CYB5RL: variants seen among roughly 807,000 people sequenced by gnomAD.
CYB5RL encodes cytochrome b5 reductase like, also known as NADH-cytochrome b5 reductase-like.
Under a neutral mutation model 37.5 loss-of-function variants are expected in CYB5RL, and 38 were observed. The observed-to-expected ratio is 1.01, with a 90% confidence interval of 0.78 to 1.33. The LOEUF (loss-of-function observed/expected upper bound fraction) is 1.33, where lower values mean the gene tolerates loss of function less well. Ranked by LOEUF, CYB5RL falls within the 40% of genes most tolerant of loss-of-function variation. The pLI, the probability that CYB5RL is intolerant of heterozygous loss-of-function variation, is 0.00. For synonymous variants in CYB5RL, 141 were observed against 151.9 expected, an observed-to-expected ratio of 0.93 and a Z score of 0.53; for missense variants, 388 against 394.4, an observed-to-expected ratio of 0.98 and a Z score of 0.14.
chr1:54,194,858 G>A (rs1643992099), intron 3 of CYB5RL, among the ~76,000 whole-genome samples: 1 of 152,130 alleles, frequency 6.6e-6, no homozygotes, highest in Non-Finnish European at 1.5e-5. Flanking sequence ...TTATACAGGG[G>A]GTGAAGTCCA....
At chr1:54,193,009 C>T (rs1318101116) in intron 3 of CYB5RL, among the ~76,000 whole-genome samples, 8 of 152,212 alleles carry the variant, frequency 5.3e-5, no homozygotes, top group Non-Finnish European at 1.2e-4. Flanking sequence ...CCTGCCTTGG[C>T]CTCCCAAAGT....
chr1:54,195,310 C>G, intron 3 of CYB5RL, 109 bp downstream of exon 3: 1 of 1,291,474 alleles, frequency 7.7e-7, no homozygotes, highest in Non-Finnish European at 1.0e-6. Flanking sequence ...TATGCATACT[C>G]TTTTCTTCTG....
In CYB5RL at chr1:54,179,182, GA is replaced by G; in HGVS notation, c.710del (p.Phe237SerfsTer36). Reference sequence around the variant, plus strand: ...GTACAAAGAAGGTACGGACATTCCAGAAACGGGCCTGCTCTTGGAGGAAGGT... The same window carrying G: ...GTACAAAGAAGGTACGGACATTCCAGAACGGGCCTGCTCTTGGAGGAAGGT... The part of the protein sequence containing the change: ...LKTFLQEQAR[F>X]WNVRTFFVLS... On this transcript the variant is annotated frameshift_variant, in exon 7 of 8. Coordinates refer to ENST00000534324, the MANE Select transcript of CYB5RL (RefSeq NM_001031672.4). LOFTEE classifies it high-confidence loss of function. 1 of 1,613,542 alleles carries G rather than the reference GA, an allele frequency of 6.2e-7. No homozygotes were observed.
At chr1:54,190,973 G>A in intron 3 of CYB5RL, 77 bp from the exon 4 acceptor site, 2 of 1,530,820 alleles carry the variant, frequency 1.3e-6, no homozygotes, top group Non-Finnish European at 1.8e-6. Flanking sequence ...CCTTCCCACT[G>A]TCCCCAAGGA....
chr1:54,195,669 G>C lies in CYB5RL; in HGVS notation c.-53C>G. 6.5e-7 allele frequency: 1 copy of C among 1,547,208 alleles called. No homozygotes were observed. The highest frequency in any genetic ancestry group is 1.2e-5 in the South Asian group (1 of 81,254). On this transcript the variant is annotated 5_prime_UTR_variant, in exon 3 of 8. Transcript: ENST00000534324. ...ACAACTGGGTGCTCTTCCAGAACAG[G>C]CCAGGCTCTATGAGACCACGGGCGC... is the stretch of plus-strand genomic sequence containing the variant.
intron 4 of CYB5RL, chr1:54,190,547 A>G (rs1643940791): frequency 1.5e-6 from 1 of 673,756 alleles, no homozygotes; most frequent in Admixed American, 2.8e-5. Context: ...AAATGCTATT[A>G]AAGTGATTGT....
At chr1:54,183,153 T>C (rs1660206348) in intron 6 of CYB5RL, among the ~76,000 whole-genome samples, 1 of 152,258 alleles carries the variant, frequency 6.6e-6, no homozygotes, top group Non-Finnish European at 1.5e-5. Context: ...AGCATAAGTA[T>C]ATAACATCAT....
intron 1 of CYB5RL, among the ~76,000 whole-genome samples, chr1:54,198,545 G>C (rs1438306772): frequency 6.6e-6 from 1 of 151,222 alleles, no homozygotes; most frequent in Non-Finnish European, 1.5e-5. Context: ...TGTTAGCCAG[G>C]ATGGTCTGAT....
In CYB5RL at chr1:54,171,293, G is replaced by C; in HGVS notation, c.*3326C>G. The C allele has an allele frequency of 2.2e-6, 1 of 456,386 alleles. No homozygotes were observed. Among genetic ancestry groups the C allele is most frequent in the Non-Finnish European group, 4.4e-6 (1 of 226,838 alleles). 28.3% of individuals were successfully genotyped at this position (456,386 alleles called of 1,614,324 possible). On this transcript the variant is annotated 3_prime_UTR_variant, in exon 8 of 8. Coordinates refer to ENST00000534324, the MANE Select transcript of CYB5RL (RefSeq NM_001031672.4). ...TGGAGCCTGAGAGGTGGGTGTGAGTGGGCGGTGGCATACAAAAAGTCTGGA... is the reference window on the plus strand; with the variant it reads ...TGGAGCCTGAGAGGTGGGTGTGAGTCGGCGGTGGCATACAAAAAGTCTGGA...
intron 4 of CYB5RL, chr1:54,190,538 A>G (rs747060232): frequency 1.5e-6 from 1 of 656,468 alleles, no homozygotes; most frequent in Non-Finnish European, 2.6e-6. Flanking sequence ...TTGGATAGTA[A>G]ATGCTATTAA....
In CYB5RL at chr1:54,195,730, A is replaced by C; in HGVS notation, c.-99-15T>G. 1 of 1,219,430 alleles carries C rather than the reference A, an allele frequency of 8.2e-7. No individual in the cohort carries two copies. The highest frequency in any genetic ancestry group is 1.1e-6 in the Non-Finnish European group (1 of 883,134). The allele number at this position is 1,219,430 out of a possible 1,614,324, so 75.5% of individuals were successfully genotyped here. On this transcript the variant is annotated splice_polypyrimidine_tract_variant and intron_variant, in intron 2 of 7. Transcript: ENST00000534324. ...CCTTGGCCAGCCTGGGAGAGGGAAA[A>C]CATGGGGGTTATTCTCTGGTCTCCT...
Position 54,179,299 on chromosome 1 carries a change from A to C in CYB5RL, c.594T>G (p.Pro198=). The C allele has an allele frequency of 6.2e-7, 1 of 1,613,874 alleles. No individual in the cohort carries two copies. The highest frequency in any genetic ancestry group is 1.7e-4 in the Middle Eastern group (1 of 6,052). ...AAGTGLAPMV[P]ILQSITDNEN... is the part of the protein sequence containing the mutation. ...CATTGTCTGTGATGCTCTGCAGGAT[A>C]GGCACCATGGGGGCCAGGCCCGTGC... is the stretch of plus-strand genomic sequence containing the variant. The change falls in exon 7 of 8, where the codon CCT becomes CCG. Residue 198 remains proline, a synonymous_variant. Transcript: ENST00000534324.
intron 4 of CYB5RL, among the ~76,000 whole-genome samples, chr1:54,190,281 T>C (rs1208116770): frequency 6.6e-6 from 1 of 152,246 alleles, no homozygotes; most frequent in Non-Finnish European, 1.5e-5. Context: ...ATTAGCTATG[T>C]AGTGCTGGGC....
At chr1:54,180,763 T>A (rs907771945) in intron 6 of CYB5RL, among the ~76,000 whole-genome samples, 1 of 152,110 alleles carries the variant, frequency 6.6e-6, no homozygotes, top group Admixed American at 6.5e-5. Flanking sequence ...TTCACCAATA[T>A]AATCCTCAGT....
At chr1:54,189,337 G>C (rs1643929919) in intron 4 of CYB5RL, among the ~76,000 whole-genome samples, 1 of 152,192 alleles carries the variant, frequency 6.6e-6, no homozygotes, top group Non-Finnish European at 1.5e-5. Flanking sequence ...AGTCTCCTCT[G>C]GGAGCCTAGG....
Position 54,174,826 on chromosome 1 carries a change from G to A in CYB5RL, c.745-4C>T, listed in dbSNP as rs755071358. ...GAAGCTGCTCTGAGGAGCTCTCCTG[G>A]GAAGACAAGAAAGGCATGGGTGACT... On this transcript the variant is annotated splice_polypyrimidine_tract_variant and splice_region_variant and intron_variant, in intron 7 of 7. Transcript: ENST00000534324. 6.2e-7 allele frequency: 1 copy of A among 1,611,624 alleles called. No homozygotes were observed. Among genetic ancestry groups the A allele is most frequent in the South Asian group, 1.1e-5 (1 of 90,964 alleles).
rs139171123 is a variant in CYB5RL at position 54,183,245 on chromosome 1, G to C, written c.540+916C>G. On this transcript the variant is annotated intron_variant, in intron 6 of 7. Coordinates refer to ENST00000534324, the MANE Select transcript of CYB5RL (RefSeq NM_001031672.4). ...TTTACCTAACTGTTCCCCTGCTGTT[G>C]GATATTCGGTTGTTTCCAATTTTCT... Among the ~76,000 whole-genome samples, 1,208 of 152,182 alleles carry C rather than the reference G, an allele frequency of 7.9e-3. 10 individuals are homozygous for C. Among genetic ancestry groups the C allele is most frequent in the African/African-American group, 0.027 (1,133 of 41,500 alleles).
intron 6 of CYB5RL, among the ~76,000 whole-genome samples, chr1:54,183,832 G>A (rs996297589): frequency 3.3e-5 from 5 of 152,172 alleles, no homozygotes; most frequent in Middle Eastern, 3.4e-3. Flanking sequence ...AAAATTAGCC[G>A]GGTGTGGTGG....
chr1:54,198,716 C>T (rs533038939), intron 1 of CYB5RL, among the ~76,000 whole-genome samples: 29 of 148,036 alleles, frequency 2.0e-4, no homozygotes, highest in East Asian at 1.9e-3. Flanking sequence ...ACTGCAGACT[C>T]GATCTCCGAG....
Sources: allele counts gnomAD v4.1 joint callset (sites outside exome capture counted in the v4.1 genomes callset), GRCh38; gene constraint gnomAD v4.1.1; transcripts MANE v1.5; gene names NCBI Gene and HGNC (gene_info 2026-07-23, HGNC 2026-07-21).